Variants in ADGRL2 observed in about 807,000 individuals in gnomAD.
The protein encoded by ADGRL2 is adhesion G protein-coupled receptor L2, also known as calcium-independent alpha-latrotoxin receptor 2.
A neutral mutation model predicts 157.4 loss-of-function variants in ADGRL2; 44 were observed. That is an observed-to-expected ratio of 0.28 (90% CI 0.22 to 0.36). The LOEUF (loss-of-function observed/expected upper bound fraction) is 0.36, where lower values mean the gene tolerates loss of function less well. Ranked by LOEUF, ADGRL2 falls within the 10% of genes least tolerant of loss-of-function variation. The probability of loss-of-function intolerance (pLI) is 1.00; values close to 1 mark genes in which losing one functional copy is unlikely to be tolerated. For missense variants in ADGRL2, 1,510 were observed against 1,768.9 expected, an observed-to-expected ratio of 0.85 and a Z score of 2.63; for synonymous variants, 585 against 624.7, an observed-to-expected ratio of 0.94 and a Z score of 0.95.
chr1:81,890,099 AATCTTTTGATAGTT>A (rs1400172358), intron 2 of ADGRL2, among the ~76,000 whole-genome samples: 1 of 152,222 alleles, frequency 6.6e-6, no homozygotes, highest in Non-Finnish European at 1.5e-5. Flanking sequence ...CTCTGAATTG[AATCTTTTGATAGTT>A]TCCTGATATA....
chr1:81,868,115 T>C (rs2093598139), intron 2 of ADGRL2, among the ~76,000 whole-genome samples: 1 of 151,608 alleles, frequency 6.6e-6, no homozygotes, highest in African/African-American at 2.4e-5. Context: ...ATTTTCCTTT[T>C]ACATTGAAGA....
chr1:81,337,736 A>G (rs76888894), intron 1 of ADGRL2, among the ~76,000 whole-genome samples: 2,149 of 152,288 alleles, frequency 0.014, 51 homozygotes, highest in African/African-American at 0.048. Context: ...AAAAATTGCT[A>G]AAGAGAGTTG....
intron 3 of ADGRL2, among the ~76,000 whole-genome samples, chr1:81,911,166 G>A (rs1353187054): frequency 6.6e-6 from 1 of 151,980 alleles, no homozygotes. Flanking sequence ...TGAAACTAAA[G>A]GCTCTAGTAG....
intron 1 of ADGRL2, among the ~76,000 whole-genome samples, chr1:81,731,641 C>T (rs534062727): frequency 1.3e-5 from 2 of 152,162 alleles, no homozygotes; most frequent in Admixed American, 1.3e-4. Flanking sequence ...CTGCTCTCTA[C>T]GTCTTGATAA....
chr1:81,798,866 T>C (rs2087723314), upstream of ADGRL2, among the ~76,000 whole-genome samples: 1 of 152,182 alleles, frequency 6.6e-6, no homozygotes, highest in African/African-American at 2.4e-5. Context: ...TAAGTTTTGC[T>C]TCCCAAAAGA....
chr1:81,679,745 T>C (rs2083070366), intron 3 of ADGRL2, among the ~76,000 whole-genome samples: 2 of 152,350 alleles, frequency 1.3e-5, no homozygotes, highest in East Asian at 1.9e-4. Context: ...GAAATATTTG[T>C]TAATAAATAT....
At chr1:81,460,303 G>A (rs1472983467) in intron 2 of ADGRL2, among the ~76,000 whole-genome samples, 3 of 151,366 alleles carry the variant, frequency 2.0e-5, no homozygotes, top group Non-Finnish European at 4.4e-5. Context: ...AAGTGATTGG[G>A]TTGATATCTC....
intron 1 of ADGRL2, among the ~76,000 whole-genome samples, chr1:81,726,701 A>G (rs534383368): frequency 9.2e-5 from 14 of 152,294 alleles, no homozygotes; most frequent in African/African-American, 3.4e-4. Context: ...TAAAACTTCA[A>G]CTTTTTATTA....
intron 2 of ADGRL2, among the ~76,000 whole-genome samples, chr1:81,770,581 C>A (rs956658993): frequency 2.6e-5 from 4 of 152,150 alleles, no homozygotes; most frequent in South Asian, 2.1e-4. Context: ...TCAAGCCATT[C>A]TCCTGCCTCA....
intron 4 of ADGRL2, among the ~76,000 whole-genome samples, 177 bp from the exon 5 acceptor site, chr1:81,941,857 C>T (rs1224301175): frequency 6.6e-6 from 1 of 151,812 alleles, no homozygotes; most frequent in Non-Finnish European, 1.5e-5. Flanking sequence ...GAATCTTTCT[C>T]CTGCTAGGTT....
At chr1:81,841,588 T>C (rs907451177) in intron 2 of ADGRL2, among the ~76,000 whole-genome samples, 3 of 152,192 alleles carry the variant, frequency 2.0e-5, no homozygotes, top group Non-Finnish European at 4.4e-5. Flanking sequence ...CTGTGTTCAT[T>C]CCTCCTTTTT....
chr1:81,888,795 A>G (rs1241499684), intron 2 of ADGRL2, among the ~76,000 whole-genome samples: 1 of 152,122 alleles, frequency 6.6e-6, no homozygotes, highest in Non-Finnish European at 1.5e-5. Context: ...CTTGTTTCCC[A>G]CAAGTCTTAT....
At chr1:81,815,736 G>GT (rs1000319697) in intron 1 of ADGRL2, among the ~76,000 whole-genome samples, 3 of 151,642 alleles carry the variant, frequency 2.0e-5, no homozygotes, top group Non-Finnish European at 4.4e-5. Flanking sequence ...TACCTCATGT[G>GT]TTTTATTTTT....
intron 2 of ADGRL2, among the ~76,000 whole-genome samples, chr1:81,541,555 G>C (rs1187926302): frequency 6.6e-6 from 1 of 152,142 alleles, no homozygotes; most frequent in South Asian, 2.1e-4. Flanking sequence ...TAGGGTGTTT[G>C]CTTTCTAGAA....
intron 3 of ADGRL2, chr1:81,596,361 T>G: frequency 1.9e-6 from 1 of 518,194 alleles, no homozygotes. Context: ...TCCTTTCACT[T>G]CGAGATTCTT....
intron 3 of ADGRL2, among the ~76,000 whole-genome samples, chr1:81,594,673 C>T (rs1247408116): frequency 6.6e-6 from 1 of 152,132 alleles, no homozygotes. Context: ...ATTGGTCTCA[C>T]CTATTACGTG....
At chr1:81,896,346 C>T (rs2094388036) in intron 2 of ADGRL2, among the ~76,000 whole-genome samples, 1 of 151,834 alleles carries the variant, frequency 6.6e-6, no homozygotes, top group African/African-American at 2.4e-5. Flanking sequence ...TTCCTGTTTC[C>T]CTGTGAGGGT....
chr1:81,338,856 A>G (rs889893796), intron 1 of ADGRL2, among the ~76,000 whole-genome samples: 4 of 152,162 alleles, frequency 2.6e-5, no homozygotes, highest in Admixed American at 2.6e-4. Flanking sequence ...ACAGCCTCTC[A>G]CTAAACTCTG....
At chr1:81,694,370 T>A (rs1285377490) in intron 3 of ADGRL2, among the ~76,000 whole-genome samples, 3 of 152,074 alleles carry the variant, frequency 2.0e-5, no homozygotes, top group Non-Finnish European at 2.9e-5. Context: ...TTAAAATAGA[T>A]AATGAAACTA....
Sources: gnomAD v4.1 joint callset for allele counts (sites outside exome capture counted in the v4.1 genomes callset) on GRCh38, gnomAD v4.1.1 for gene constraint, MANE v1.5 for transcripts, NCBI Gene and HGNC (gene_info 2026-07-23, HGNC 2026-07-21) for gene names.